The following CFDP1 variants were observed in gnomAD, a reference collection of about 807,000 sequenced individuals.
CFDP1 encodes chromatin remodeling protein CFDP1, also known as heterochromatin-stabilizing protein CFDP1.
Under a neutral mutation model 40.1 loss-of-function variants are expected in CFDP1, and 31 were observed. The observed-to-expected ratio is 0.77, with a 90% CI of 0.58 to 1.04. The LOEUF (loss-of-function observed/expected upper bound fraction) is 1.04, where lower values mean the gene tolerates loss of function less well. Among genes scored for constraint, CFDP1 ranks in the 50% least tolerant of loss-of-function variants. The pLI, the probability that CFDP1 is intolerant of heterozygous loss-of-function variation, is 0.00. For missense variants in CFDP1, 423 were observed against 343.4 expected, an observed-to-expected ratio of 1.23 and a Z score of -1.83; for synonymous variants, 167 against 120.0, an observed-to-expected ratio of 1.39 and a Z score of -2.56.
At chr16:75,425,903 G>C (rs1353637162) in intron 1 of CFDP1, among the ~76,000 whole-genome samples, 1 of 151,088 alleles carries the variant, frequency 6.6e-6, no homozygotes, top group African/African-American at 2.4e-5. Context: ...AGGCGTGGTG[G>C]CAGGCGCCTA....
chr16:75,320,263 G>A lies in CFDP1; in HGVS notation c.651-15081C>T, dbSNP rs989656173. On this transcript the variant is annotated intron_variant, in intron 5 of 6. Coordinates refer to ENST00000283882, the MANE Select transcript of CFDP1 (RefSeq NM_006324.3). ...TTTCTTTGCATTCTGAGACCCCCTCGGAGCATGCGCTTTTATGTGACCATG... is the reference window on the plus strand; with the variant it reads ...TTTCTTTGCATTCTGAGACCCCCTCAGAGCATGCGCTTTTATGTGACCATG... Among the ~76,000 whole-genome samples the A allele has an allele frequency of 1.3e-4, 20 of 152,040 alleles. 2 individuals are homozygous for A. Among genetic ancestry groups the A allele is most frequent in the Admixed American group, 1.1e-3 (16 of 15,232 alleles).
intron 4 of CFDP1, among the ~76,000 whole-genome samples, chr16:75,399,892 G>A (rs1452084011): frequency 2.0e-5 from 3 of 151,952 alleles, no homozygotes; most frequent in African/African-American, 7.2e-5. Flanking sequence ...ACCTGAGGTT[G>A]GGAGTTCGAG....
chr16:75,328,845 ATT>A (rs569396422), intron 5 of CFDP1, among the ~76,000 whole-genome samples: 7 of 131,540 alleles, frequency 5.3e-5, no homozygotes, highest in Non-Finnish European at 9.9e-5. Context: ...TGCTCAGCGA[ATT>A]TTTTTTTTTT....
At chr16:75,407,582 A>G (rs1472445045) in intron 4 of CFDP1, among the ~76,000 whole-genome samples, 2 of 143,928 alleles carry the variant, frequency 1.4e-5, no homozygotes, top group Non-Finnish European at 3.0e-5. Flanking sequence ...CAGGAGGCTG[A>G]GGTCGGGGGA....
In CFDP1 at chr16:75,367,792, C is replaced by CAA. The variant is rs36057090; in HGVS notation, c.650+27296_650+27297dup. On this transcript the variant is annotated intron_variant, in intron 5 of 6. Transcript: ENST00000283882. The stretch of plus-strand genomic sequence containing the variant: ...TGGGCGACAGAGTGACACTCCATCT[C>CAA]AAAAAAAAAAAAAAAAAAACTTAAC... Among the ~76,000 whole-genome samples, 423 of 105,308 alleles carry CAA rather than the reference C, an allele frequency of 4.0e-3. 5 individuals carry two copies. Among genetic ancestry groups the CAA allele is most frequent in the Middle Eastern group, 0.012 (2 of 166 alleles). The allele number at this position is 105,308 out of a possible 152,430, so 69.1% of individuals were successfully genotyped here. A position where few individuals can be genotyped will look rare whatever the true frequency, so the allele number is the denominator to read the frequency against.
At chr16:75,367,565 G>T (rs1448772106) in intron 5 of CFDP1, among the ~76,000 whole-genome samples, 2 of 151,926 alleles carry the variant, frequency 1.3e-5, no homozygotes, top group East Asian at 3.9e-4. Flanking sequence ...GGTCGAGGTG[G>T]GCAGATCACC....
chr16:75,375,334 A>T (rs561543123), intron 5 of CFDP1, among the ~76,000 whole-genome samples: 2 of 152,364 alleles, frequency 1.3e-5, no homozygotes, highest in South Asian at 4.1e-4. Context: ...TATTCAGAAT[A>T]TAAGAAGAAC....
intron 5 of CFDP1, chr16:75,372,132 A>T (rs1013497536): frequency 3.3e-5 from 5 of 152,212 alleles, no homozygotes; most frequent in African/African-American, 4.8e-5. Flanking sequence ...ACCTATTTCT[A>T]AAAAAGGAGC....
At chr16:75,424,518 G>A (rs1189807220) in intron 1 of CFDP1, among the ~76,000 whole-genome samples, 3 of 152,210 alleles carry the variant, frequency 2.0e-5, no homozygotes, top group African/African-American at 7.2e-5. Flanking sequence ...CACTTTGGGA[G>A]GCTGAGGCGG....
chr16:75,397,169 C>A (rs565474099), intron 4 of CFDP1, among the ~76,000 whole-genome samples: 1 of 151,880 alleles, frequency 6.6e-6, no homozygotes, highest in Admixed American at 6.5e-5. Context: ...CCGCCTTGGC[C>A]TCCCAAAGTG....
Position 75,380,877 on chromosome 16 carries a change from A to G in CFDP1, c.650+14213T>C, listed in dbSNP as rs911273187. Among the ~76,000 whole-genome samples, 7 of 152,194 alleles carry G rather than the reference A, an allele frequency of 4.6e-5. 1 individual carries two copies. Among genetic ancestry groups the G allele is most frequent in the African/African-American group, 1.7e-4 (7 of 41,450 alleles). ...CCTCGCTAAAGAGTAAAAACATATT[A>G]AACATAAAAGGAAATACTGACAGTG... is the stretch of plus-strand genomic sequence containing the variant. On this transcript the variant is annotated intron_variant, in intron 5 of 6. Coordinates refer to ENST00000283882, the MANE Select transcript of CFDP1 (RefSeq NM_006324.3).
chr16:75,307,065 C>G (rs1208950750), intron 5 of CFDP1, among the ~76,000 whole-genome samples: 2 of 152,160 alleles, frequency 1.3e-5, no homozygotes, highest in Non-Finnish European at 2.9e-5. Context: ...AGCCTCTTTA[C>G]TGGTCTCCCT....
At chr16:75,335,684 G>C (rs1214207818) in intron 5 of CFDP1, among the ~76,000 whole-genome samples, 2 of 151,742 alleles carry the variant, frequency 1.3e-5, no homozygotes, top group African/African-American at 4.8e-5. Flanking sequence ...AGCCTCCCGA[G>C]TAGCTGGGAC....
At chr16:75,372,423 G>C (rs1024726963) in intron 5 of CFDP1, 1 of 152,308 alleles carries the variant, frequency 6.6e-6, no homozygotes, top group East Asian at 1.9e-4. Flanking sequence ...ATGTCAGCTT[G>C]CTGCCAAAGG....
chr16:75,409,785 A>G (rs964898276), intron 4 of CFDP1, among the ~76,000 whole-genome samples: 66 of 152,172 alleles, frequency 4.3e-4, no homozygotes, highest in Non-Finnish European at 2.9e-5. Context: ...CAATACATTA[A>G]CCAGTGGTGA....
At chr16:75,363,651 T>A (rs1048072158) in intron 5 of CFDP1, among the ~76,000 whole-genome samples, 1 of 152,224 alleles carries the variant, frequency 6.6e-6, no homozygotes, top group South Asian at 2.1e-4. Context: ...CCACCTTGGC[T>A]TCCCAAAGTG....
At chr16:75,305,660 C>A (rs546711033) in intron 5 of CFDP1, among the ~76,000 whole-genome samples, 1 of 152,154 alleles carries the variant, frequency 6.6e-6, no homozygotes, top group Non-Finnish European at 1.5e-5. Context: ...CTTGGCACAG[C>A]GTCAAGGTGC....
At chr16:75,395,060 T>C in intron 5 of CFDP1, 30 bp downstream of exon 5, 1 of 1,612,638 alleles carries the variant, frequency 6.2e-7, no homozygotes, top group Non-Finnish European at 8.5e-7. Flanking sequence ...ACGTGCCAAG[T>C]ACATCAGGGA....
intron 1 of CFDP1, among the ~76,000 whole-genome samples, chr16:75,420,636 T>C (rs990137471): frequency 2.0e-5 from 3 of 152,186 alleles, no homozygotes; most frequent in African/African-American, 7.2e-5. Context: ...TTTGGAAAAT[T>C]TGAGTATGAT....
Sources: allele counts gnomAD v4.1 joint callset (sites outside exome capture counted in the v4.1 genomes callset), GRCh38; gene constraint gnomAD v4.1.1; transcripts MANE v1.5; gene names NCBI Gene and HGNC (gene_info 2026-07-23, HGNC 2026-07-21).